The following AOPEP variants were observed in gnomAD, a reference collection of about 807,000 sequenced individuals.
AOPEP encodes aminopeptidase O.
In AOPEP, 77 loss-of-function variants were observed where a neutral mutation model predicts 98.1. The ratio of observed to expected loss-of-function variants is 0.78; its 90% CI spans 0.65 to 0.95. The LOEUF (loss-of-function observed/expected upper bound fraction) is 0.95, where lower values mean the gene tolerates loss of function less well. Among genes scored for constraint, AOPEP ranks in the 40% least tolerant of loss-of-function variants. AOPEP has a pLI of 0.00. For missense variants in AOPEP, 1,024 were observed against 1,024.7 expected, an observed-to-expected ratio of 1.00 and a Z score of 0.01; for synonymous variants, 346 against 365.3, an observed-to-expected ratio of 0.95 and a Z score of 0.60.
intron 5 of AOPEP, among the ~76,000 whole-genome samples, chr9:94,856,335 C>T (rs893331872): frequency 3.3e-5 from 5 of 151,924 alleles, no homozygotes; most frequent in African/African-American, 1.2e-4. Context: ...ATCAAGGAGA[C>T]GCCAGGGTAA....
intron 2 of AOPEP, among the ~76,000 whole-genome samples, chr9:94,766,189 C>T (rs1206886746): frequency 6.6e-6 from 1 of 152,190 alleles, no homozygotes; most frequent in Non-Finnish European, 1.5e-5. Context: ...GTGTTTTCTT[C>T]ATTTTCCTTG....
chr9:95,076,090 A>G (rs1458075817), intron 14 of AOPEP, among the ~76,000 whole-genome samples: 2 of 152,214 alleles, frequency 1.3e-5, no homozygotes, highest in Non-Finnish European at 1.5e-5. Context: ...GCTGGTGTCC[A>G]TAATACTGTC....
intron 2 of AOPEP, among the ~76,000 whole-genome samples, chr9:94,762,823 G>C (rs1291952635): frequency 1.3e-5 from 2 of 151,998 alleles, no homozygotes; most frequent in Non-Finnish European, 2.9e-5. Flanking sequence ...GATATGTTAA[G>C]GACTTTAAAA....
chr9:95,087,482 CAAAAAAAAAAAAAAA>C (rs746666179), downstream of AOPEP, among the ~76,000 whole-genome samples: 1 of 37,434 alleles, frequency 2.7e-5, no homozygotes, highest in Non-Finnish European at 4.3e-5. Context: ...GACTCCATCT[CAAAAAAAAAAAAAAA>C]AAAAAAAAAA....
In AOPEP at chr9:95,082,513, G is replaced by A. The variant is rs2069935793; in HGVS notation, c.2320-62G>A. On this transcript the variant is annotated intron_variant, in intron 15 of 16. Coordinates refer to ENST00000375315, the MANE Select transcript of AOPEP (RefSeq NM_001193329.3). ...TGGAACAAGCACAGACTGAGCTCAT[G>A]TGTGCGTGTGTGTGGGTACCCACAC... The A allele has an allele frequency of 3.8e-6, 6 of 1,568,416 alleles. No individual in the cohort carries two copies. The Admixed American group carries it at 5.2e-5, about 14-fold the overall frequency.
intron 14 of AOPEP, among the ~76,000 whole-genome samples, chr9:95,068,720 A>G (rs2068166363): frequency 6.6e-6 from 1 of 152,032 alleles, no homozygotes; most frequent in Admixed American, 6.5e-5. Flanking sequence ...TCTTTCCTAA[A>G]AGTTGTATAG....
intron 14 of AOPEP, among the ~76,000 whole-genome samples, chr9:95,063,076 C>T (rs917537072): frequency 2.0e-5 from 3 of 152,178 alleles, no homozygotes; most frequent in Non-Finnish European, 4.4e-5. Flanking sequence ...ATGTAGCAGG[C>T]CTCAGGACTA....
At chr9:94,802,063 T>A (rs768835433) in intron 5 of AOPEP, among the ~76,000 whole-genome samples, 1 of 152,232 alleles carries the variant, frequency 6.6e-6, no homozygotes, top group Non-Finnish European at 1.5e-5. Context: ...ATTTTTATCC[T>A]ATGTTTATGA....
chr9:95,145,582 A>T, the AOPEP span: 1 of 152,252 alleles, frequency 6.6e-6, no homozygotes, highest in Non-Finnish European at 1.5e-5. Flanking sequence ...AAAACAAACT[A>T]ATAACAACCC....
At chr9:94,781,900 A>C (rs904297799) in intron 3 of AOPEP, among the ~76,000 whole-genome samples, 1 of 151,048 alleles carries the variant, frequency 6.6e-6, no homozygotes, top group East Asian at 2.0e-4. Flanking sequence ...GAAAAATAAA[A>C]TACTCTGAGG....
intron 5 of AOPEP, among the ~76,000 whole-genome samples, chr9:94,871,059 G>A (rs1003114783): frequency 3.9e-5 from 6 of 152,264 alleles, no homozygotes; most frequent in Middle Eastern, 3.4e-3. Context: ...GGGTGTGGGC[G>A]CAGGCGCGAC....
At chr9:94,808,203 C>G (rs891890522) in intron 5 of AOPEP, among the ~76,000 whole-genome samples, 3 of 152,062 alleles carry the variant, frequency 2.0e-5, no homozygotes, top group Non-Finnish European at 2.9e-5. Context: ...CTTCGCCTGG[C>G]TAATTTTTTG....
intron 5 of AOPEP, among the ~76,000 whole-genome samples, chr9:94,803,560 A>G (rs1258598803): frequency 6.6e-6 from 1 of 152,246 alleles, no homozygotes; most frequent in East Asian, 1.9e-4. Context: ...AAGTGAGGAA[A>G]AACACATTTA....
chr9:95,112,189 CTTGTT>C, the AOPEP span, among the ~76,000 whole-genome samples: 1 of 152,224 alleles, frequency 6.6e-6, no homozygotes, highest in Non-Finnish European at 1.5e-5. Context: ...AGTTGCAATA[CTTGTT>C]TTAAGGGTAG....
chr9:94,994,013 C>G (rs984366104), intron 11 of AOPEP, among the ~76,000 whole-genome samples: 5 of 152,202 alleles, frequency 3.3e-5, no homozygotes, highest in Admixed American at 6.5e-5. Context: ...TCTTGTTTTT[C>G]TCTGGTGTCT....
chr9:95,150,012 C>A, the AOPEP span: 1 of 1,614,072 alleles, frequency 6.2e-7, no homozygotes, highest in South Asian at 1.1e-5. Flanking sequence ...GAGCCTCCAC[C>A]AGGGGGTCAA....
At chr9:94,895,811 C>G (rs2049474206) in intron 5 of AOPEP, among the ~76,000 whole-genome samples, 2 of 152,130 alleles carry the variant, frequency 1.3e-5, no homozygotes, top group Non-Finnish European at 2.9e-5. Context: ...GCCTCGGCCT[C>G]CCAAAGTGCT....
chr9:94,829,684 T>A (rs1488417146), intron 5 of AOPEP, among the ~76,000 whole-genome samples: 1 of 149,926 alleles, frequency 6.7e-6, no homozygotes, highest in African/African-American at 2.5e-5. Context: ...TGGCCACATG[T>A]CAGATATGTT....
intron 3 of AOPEP, among the ~76,000 whole-genome samples, chr9:94,778,655 G>T (rs1295878979): frequency 6.6e-6 from 1 of 152,164 alleles, no homozygotes; most frequent in Non-Finnish European, 1.5e-5. Context: ...AATTTCTGGG[G>T]TAATGGAAAT....
Sources: gnomAD v4.1 joint callset for allele counts (sites outside exome capture counted in the v4.1 genomes callset) on GRCh38, gnomAD v4.1.1 for gene constraint, MANE v1.5 for transcripts, NCBI Gene and HGNC (gene_info 2026-07-23, HGNC 2026-07-21) for gene names.